The following MEIS2 variants were observed in gnomAD, a reference collection of about 807,000 sequenced individuals.
The protein encoded by MEIS2 is homeobox protein Meis2.
In MEIS2, 9 loss-of-function variants were observed where a neutral mutation model predicts 58.6. The ratio of observed to expected loss-of-function variants is 0.15; its 90% CI spans 0.09 to 0.27. The LOEUF (loss-of-function observed/expected upper bound fraction) is 0.27, where lower values mean the gene tolerates loss of function less well. MEIS2 is among the 10% of genes least tolerant of loss of function. The probability of loss-of-function intolerance (pLI) is 1.00; values close to 1 mark genes in which losing one functional copy is unlikely to be tolerated. For missense variants in MEIS2, 427 were observed against 635.0 expected (o/e 0.67, Z 3.52); for synonymous variants, 221 against 228.4 (o/e 0.97, Z 0.29).
chr15:37,008,744 G>C (rs996710590), intron 8 of MEIS2, among the ~76,000 whole-genome samples: 2 of 152,026 alleles, frequency 1.3e-5, no homozygotes, highest in African/African-American at 2.4e-5. Context: ...TGATTTGGGG[G>C]GAAAAAGAAA....
chr15:37,041,019 T>G (rs986190164), intron 7 of MEIS2, among the ~76,000 whole-genome samples: 6 of 152,320 alleles, frequency 3.9e-5, no homozygotes, highest in African/African-American at 1.4e-4. Context: ...ATTAAAATCC[T>G]ACTTTACTCC....
chr15:37,056,388 CA>C (rs1216257559), intron 7 of MEIS2, among the ~76,000 whole-genome samples: 1 of 152,082 alleles, frequency 6.6e-6, no homozygotes, highest in Non-Finnish European at 1.5e-5. Flanking sequence ...ACAAGCTCTT[CA>C]AAATGAGCAT....
intron 9 of MEIS2, among the ~76,000 whole-genome samples, chr15:36,921,626 G>A (rs1167352991): frequency 1.3e-5 from 2 of 151,850 alleles, no homozygotes; most frequent in Non-Finnish European, 2.9e-5. Flanking sequence ...CACCTTTTGT[G>A]TTGTTCCCAG....
In MEIS2 at chr15:37,071,729, A is replaced by C. The variant is rs77207397; in HGVS notation, c.754+12042T>G. On this transcript the variant is annotated intron_variant, in intron 7 of 11. Coordinates refer to ENST00000561208, the MANE Select transcript of MEIS2 (RefSeq NM_170675.5). ...GTGAAGGATGGGAGATTTGCCCATG[A>C]TAAGTGACAGATCTGAGGATATAAA... 1.9e-3 allele frequency among the ~76,000 whole-genome samples: 296 copies of C among 152,202 alleles called. 1 individual carries two copies. Among genetic ancestry groups the C allele is most frequent in the Non-Finnish European group, 2.9e-3 (196 of 67,994 alleles).
intron 8 of MEIS2, among the ~76,000 whole-genome samples, chr15:36,989,229 C>T (rs966051167): frequency 6.6e-6 from 1 of 152,144 alleles, no homozygotes; most frequent in Non-Finnish European, 1.5e-5. Flanking sequence ...GGTTAAGTGA[C>T]CAGTTAGACA....
intron 6 of MEIS2, 112 bp downstream of exon 6, chr15:37,093,469 G>T: frequency 7.8e-7 from 1 of 1,287,962 alleles, no homozygotes; most frequent in Non-Finnish European, 1.1e-6. Flanking sequence ...CCCCAAAAGA[G>T]ACGGAGTCAT....
rs1256831071 is a variant in MEIS2 at position 36,890,436 on chromosome 15, C to T, written c.*1737G>A. 6.6e-6 allele frequency: 1 copy of T among 152,106 alleles called. No homozygotes were observed. The highest frequency in any genetic ancestry group is 1.9e-4 in the East Asian group (1 of 5,202). The allele number at this position is 152,106 out of a possible 1,614,324, so 9.4% of individuals were successfully genotyped here. A position where few individuals can be genotyped will look rare whatever the true frequency, so the allele number is the denominator to read the frequency against. ...TTTAGTTATCAAATCATCACACTAG[C>T]ATCCCTGCACATGGATGTGTCTGAA... On this transcript the variant is annotated 3_prime_UTR_variant, in exon 12 of 12. Transcript: ENST00000561208.
chr15:36,936,300 T>A (rs1292135764), intron 9 of MEIS2, among the ~76,000 whole-genome samples: 28 of 151,936 alleles, frequency 1.8e-4, no homozygotes, highest in Non-Finnish European at 2.9e-5. Context: ...GGTTCACGCC[T>A]TTCTCCTGCC....
rs1022085728 is a variant in MEIS2 at position 37,096,232 on chromosome 15, G to A, written c.387+57C>T. The A allele has an allele frequency of 2.0e-6, 3 of 1,499,436 alleles. No homozygotes were observed. In the African/African-American group the frequency reaches 4.2e-5, roughly 21 times the overall value. The allele number at this position is 1,499,436 out of a possible 1,614,324, so 92.9% of individuals were successfully genotyped here. A position where few individuals can be genotyped will look rare whatever the true frequency, so the allele number is the denominator to read the frequency against. On this transcript the variant is annotated intron_variant, in intron 3 of 11. Coordinates refer to ENST00000561208, the MANE Select transcript of MEIS2 (RefSeq NM_170675.5). Reference sequence around the variant, plus strand: ...TCCTCCTTTCAAGTAAAGCTCCGAGGAAAGGGGAGGGGTAGTGAGGGACTG... The same window carrying A: ...TCCTCCTTTCAAGTAAAGCTCCGAGAAAAGGGGAGGGGTAGTGAGGGACTG...
intron 8 of MEIS2, among the ~76,000 whole-genome samples, chr15:36,962,400 A>G (rs181089150): frequency 1.1e-4 from 16 of 152,308 alleles, no homozygotes; most frequent in Non-Finnish European, 1.5e-4. Flanking sequence ...TCAAGTCCCT[A>G]ATATAAAATG....
At chr15:37,007,286 C>T (rs1310932003) in intron 8 of MEIS2, among the ~76,000 whole-genome samples, 2 of 152,064 alleles carry the variant, frequency 1.3e-5, no homozygotes, top group Non-Finnish European at 2.9e-5. Context: ...CTCAGCTATC[C>T]AGGAGGCGGA....
chr15:37,092,818 C>T (rs534220585), intron 6 of MEIS2, among the ~76,000 whole-genome samples: 2 of 139,200 alleles, frequency 1.4e-5, no homozygotes, highest in South Asian at 4.6e-4. Context: ...ATCTCCTTTC[C>T]TGGCCTGACA....
rs573138818 is a variant in MEIS2, at chr15:36,980,750, T to A, written c.901-30350A>T. 2.0e-5 allele frequency among the ~76,000 whole-genome samples: 3 copies of A among 152,292 alleles called. No individual in the cohort carries two copies. In the South Asian group the frequency reaches 6.2e-4, roughly 32 times the overall value. On this transcript the variant is annotated intron_variant, in intron 8 of 11. Transcript: ENST00000561208. ...TTAATTCATTAGGAATCAAATGACA[T>A]AATCCATTTTGTTTTCTCCCATTTG...
intron 8 of MEIS2, among the ~76,000 whole-genome samples, chr15:37,017,727 T>C (rs2061396726): frequency 6.6e-6 from 1 of 152,174 alleles, no homozygotes; most frequent in South Asian, 2.1e-4. Flanking sequence ...GGATGCACTC[T>C]CACTCTGAGT....
In MEIS2 at chr15:36,892,479, A is replaced by G; in HGVS notation, c.1148-20T>C. On this transcript the variant is annotated intron_variant, in intron 11 of 11. Coordinates refer to ENST00000561208, the MANE Select transcript of MEIS2 (RefSeq NM_170675.5). ...GCAAACCTGAAAATAGAGAGGGAAA[A>G]AGAAAGCGGGTCAAATTCCTAAACA... 6.2e-7 allele frequency: 1 copy of G among 1,605,922 alleles called. No individual in the cohort carries two copies. The highest frequency in any genetic ancestry group is 8.5e-7 in the Non-Finnish European group (1 of 1,176,938).
chr15:37,098,834 G>T, intron 1 of MEIS2: 1 of 833,122 alleles, frequency 1.2e-6, no homozygotes, highest in Non-Finnish European at 1.4e-6. Flanking sequence ...GACTAGGAAA[G>T]ACTAGGGCCA....
In MEIS2 at chr15:36,995,341, T is replaced by A. The variant is rs2060438805; in HGVS notation, c.900+41473A>T. Among the ~76,000 whole-genome samples the A allele has an allele frequency of 3.3e-5, 5 of 152,154 alleles. No homozygotes were observed. In the South Asian group the frequency reaches 1.0e-3, roughly 32 times the overall value. ...TATCCATGCACTTTTTTTTTCTAAT[T>A]GCATGCCACTTCAAATGAACTATGA... On this transcript the variant is annotated intron_variant, in intron 8 of 11. Transcript: ENST00000561208.
At chr15:37,101,303 CGTGTGTGTGTGTGTGTGT>C (rs371810726), upstream of MEIS2, 6 of 128,442 alleles carry the variant, frequency 4.7e-5, no homozygotes, top group South Asian at 2.9e-4. Flanking sequence ...TAGCCAAAGG[CGTGTGTGTGTGTGTGTGT>C]GTGTGTGTGT....
chr15:37,038,515 A>T (rs959368270), intron 7 of MEIS2, among the ~76,000 whole-genome samples: 8 of 152,214 alleles, frequency 5.3e-5, no homozygotes, highest in Non-Finnish European at 1.0e-4. Flanking sequence ...ACCCTCCATC[A>T]CATGGAAGAG....
Sources: allele counts gnomAD v4.1 joint callset (sites outside exome capture counted in the v4.1 genomes callset), GRCh38; gene constraint gnomAD v4.1.1; transcripts MANE v1.5; gene names NCBI Gene and HGNC (gene_info 2026-07-23, HGNC 2026-07-21).